Variants in TUFM observed in about 807,000 individuals in gnomAD.
The protein encoded by TUFM is elongation factor Tu, mitochondrial.
TUFM carries 23 observed loss-of-function variants against 45.0 expected under a neutral mutation model. The observed-to-expected ratio is 0.51, with a 90% CI of 0.37 to 0.72. TUFM has a LOEUF of 0.72. Ranked by LOEUF, TUFM falls within the 30% of genes least tolerant of loss-of-function variation. The pLI is 0.00. For missense variants in TUFM, 490 were observed against 610.7 expected (o/e 0.80, Z 2.08); for synonymous variants, 243 against 252.9 (o/e 0.96, Z 0.37).
Position 28,843,053 on chromosome 16 carries a change from G to A in TUFM, c.1290C>T (p.Gly430=), listed in dbSNP as rs1274909671. ...EKGQRFTLRD[G]NRTIGTGLVT... is the part of the protein sequence containing the mutation. ...CTAGACCGGTGCCAATAGTCCGGTT[G>A]CCATCTCGCAGGGTGAAACGCTGGC... Residue 430 remains glycine (G), a synonymous_variant, in exon 10 of 10, where the codon GGC becomes GGT. Coordinates refer to ENST00000313511, the MANE Select transcript of TUFM (RefSeq NM_003321.5). 1 of 1,614,230 alleles carries A rather than the reference G, an allele frequency of 6.2e-7. No individual in the cohort carries two copies. Among genetic ancestry groups the A allele is most frequent in the East Asian group, 2.2e-5 (1 of 44,892 alleles).
At chr16:28,845,136 A>C in intron 3 of TUFM, 81 bp from the exon 4 acceptor site, 5 of 1,578,688 alleles carry the variant, frequency 3.2e-6, no homozygotes, top group Non-Finnish European at 2.6e-6. Context: ...TAGCAGTTAG[A>C]AACTCAGGCC....
In TUFM at chr16:28,842,663, TG is replaced by T; in HGVS notation, c.*311del. On this transcript the variant is annotated 3_prime_UTR_variant, in exon 10 of 10. Transcript: ENST00000313511. The stretch of plus-strand genomic sequence containing the variant: ...GTGTCTAGGCAATCACTAAGCTCAC[TG>T]GACTTGATTTATCCGTTAAAACTGC... 2.4e-6 allele frequency: 1 copy of T among 421,414 alleles called. No homozygotes were observed. The highest frequency in any genetic ancestry group is 4.5e-6 in the Non-Finnish European group (1 of 224,418). The allele number at this position is 421,414 out of a possible 1,614,324, so 26.1% of individuals were successfully genotyped here.
Position 28,844,109 on chromosome 16 carries a change from G to T in TUFM, c.923-8C>A. ...TGTGGAACATCTCAATGCCTAGGAC[G>T]GAAAGGGAAAAGGAGCAGGGAGAAG... is the stretch of plus-strand genomic sequence containing the variant. On this transcript the variant is annotated splice_region_variant and splice_polypyrimidine_tract_variant and intron_variant, in intron 7 of 9. Coordinates refer to ENST00000313511, the MANE Select transcript of TUFM (RefSeq NM_003321.5). The surrounding 1 kb of genome is among the most constrained non-coding windows in gnomAD (Gnocchi z 5.8). 6.2e-7 allele frequency: 1 copy of T among 1,614,196 alleles called. No homozygotes were observed. The highest frequency in any genetic ancestry group is 8.5e-7 in the Non-Finnish European group (1 of 1,180,032).
At chr16:28,843,250 C>T in intron 9 of TUFM, 102 bp from the exon 10 acceptor site, 2 of 1,256,624 alleles carry the variant, frequency 1.6e-6, no homozygotes, top group East Asian at 2.4e-5. Flanking sequence ...GAGAATGCAG[C>T]AGGGGAATGG....
At position 28,844,214 on chromosome 16, in the gene TUFM, G is replaced by T; in HGVS notation, c.922+16C>A. ...CCCTTCAGCCAGGCCCTGCTCTCCA[G>T]ACTGGCTTCCCAAACCTGTCACCAC... is the stretch of plus-strand genomic sequence containing the variant. On this transcript the variant is annotated intron_variant, in intron 7 of 9. Transcript: ENST00000313511. This position sits in a 1 kb window ranked among gnomAD's most constrained non-coding sequence, Gnocchi z 5.8. 6.2e-7 allele frequency: 1 copy of T among 1,614,062 alleles called. No individual in the cohort carries two copies. Among genetic ancestry groups the T allele is most frequent in the South Asian group, 1.1e-5 (1 of 91,068 alleles).
chr16:28,842,873 G>T lies in TUFM; in HGVS notation c.*102C>A. The T allele has an allele frequency of 1.4e-6, 2 of 1,470,090 alleles. No individual in the cohort carries two copies. The highest frequency in any genetic ancestry group is 9.5e-7 in the Non-Finnish European group (1 of 1,053,738). The allele number at this position is 1,470,090 out of a possible 1,614,324, so 91.1% of individuals were successfully genotyped here. A position where few individuals can be genotyped will look rare whatever the true frequency, so the allele number is the denominator to read the frequency against. ...GGAAATGTCCATCTAGCTGCCCTCT[G>T]CTGGGTTGCAGCCTATGCCATGAGA... is the stretch of plus-strand genomic sequence containing the variant. On this transcript the variant is annotated 3_prime_UTR_variant, in exon 10 of 10. Coordinates refer to ENST00000313511, the MANE Select transcript of TUFM (RefSeq NM_003321.5).
chr16:28,845,255 CATTT>C lies in TUFM; in HGVS notation c.414+55_414+58del. On this transcript the variant is annotated intron_variant, in intron 3 of 9. Coordinates refer to ENST00000313511, the MANE Select transcript of TUFM (RefSeq NM_003321.5). ...CTTAATCTCCTCCCCACAAGCCTAACATTTATCCTGACAAGAGGCAGCTTCTGGC... is the reference window on the plus strand; with the variant it reads ...CTTAATCTCCTCCCCACAAGCCTAACATCCTGACAAGAGGCAGCTTCTGGC... 1.9e-6 allele frequency: 3 copies of C among 1,612,784 alleles called. No individual in the cohort carries two copies. The Admixed American group carries it at 5.0e-5, about 27-fold the overall frequency.
intron 9 of TUFM, 22 bp downstream of exon 9, chr16:28,843,714 A>G: frequency 6.2e-7 from 1 of 1,612,098 alleles, no homozygotes; most frequent in Non-Finnish European, 8.5e-7. Context: ...CCTCCACCCT[A>G]CATTCCTCCC....
At position 28,844,675 on chromosome 16, in the gene TUFM, G is replaced by C. The variant is rs772718547; in HGVS notation, c.684+23C>G. 1 of 1,614,144 alleles carries C rather than the reference G, an allele frequency of 6.2e-7. No homozygotes were observed. Among genetic ancestry groups the C allele is most frequent in the South Asian group, 1.1e-5 (1 of 91,090 alleles). Reference sequence around the variant, plus strand: ...TCCAGCCCCACCCTCTGCAGCAGCTGCCCTGCCTGACCCCGCGTTCACCTC... The same window carrying C: ...TCCAGCCCCACCCTCTGCAGCAGCTCCCCTGCCTGACCCCGCGTTCACCTC... On this transcript the variant is annotated intron_variant, in intron 5 of 9. Coordinates refer to ENST00000313511, the MANE Select transcript of TUFM (RefSeq NM_003321.5). This position sits in a 1 kb window ranked among gnomAD's most constrained non-coding sequence, Gnocchi z 5.8.
At position 28,842,995 on chromosome 16, in the gene TUFM, T is replaced by G; in HGVS notation, c.1348A>C (p.Lys450Gln). 3.7e-6 allele frequency: 6 copies of G among 1,614,192 alleles called. No individual in the cohort carries two copies. The highest frequency in any genetic ancestry group is 5.1e-6 in the Non-Finnish European group (6 of 1,180,042). Residue 450 changes from lysine to glutamine, a missense_variant, in exon 10 of 10, where the codon AAG (lysine) becomes CAG (glutamine). Transcript: ENST00000313511. Reference protein sequence around the residue: ...TNTLAMTEEEKNIKWG With the variant: ...TNTLAMTEEEQNIKWG ...CACACTCAACCCCATTTGATATTCT[T>G]CTCCTCCTCAGTCATGGCCAGCGTG...
Position 28,842,782 on chromosome 16 carries a change from C to G in TUFM, c.*193G>C. 1 of 721,736 alleles carries G rather than the reference C, an allele frequency of 1.4e-6. No homozygotes were observed. 44.7% of individuals were successfully genotyped at this position (721,736 alleles called of 1,614,324 possible). A position where few individuals can be genotyped will look rare whatever the true frequency, so the allele number is the denominator to read the frequency against. On this transcript the variant is annotated 3_prime_UTR_variant, in exon 10 of 10. Transcript: ENST00000313511. ...CAATTTGCACAAAGGACACAGGACA[C>G]AGGCTGGCTTACTATTCAAAGTTTA...
At chr16:28,843,237 T>C (rs1267546917) in intron 9 of TUFM, 89 bp from the exon 10 acceptor site, 36 of 1,384,642 alleles carry the variant, frequency 2.6e-5, no homozygotes, top group Non-Finnish European at 3.6e-5. Context: ...TTAAGAGTCA[T>C]GGGAGAATGC....
chr16:28,845,182 C>T (rs1016455393), intron 3 of TUFM, 127 bp from the exon 4 acceptor site: 86 of 1,554,814 alleles, frequency 5.5e-5, no homozygotes, highest in South Asian at 2.5e-4. Context: ...ACCCATTCTG[C>T]GTGGCCAAGA....
chr16:28,844,877 G>C lies in TUFM; in HGVS notation c.520-15C>G, dbSNP rs376592333. 1.2e-5 allele frequency: 20 copies of C among 1,614,026 alleles called. No individual in the cohort carries two copies. The highest frequency in any genetic ancestry group is 2.7e-5 in the African/African-American group (2 of 74,892). On this transcript the variant is annotated splice_polypyrimidine_tract_variant and intron_variant, in intron 4 of 9. Transcript: ENST00000313511. The surrounding 1 kb of genome is among the most constrained non-coding windows in gnomAD (Gnocchi z 5.8). ...TCCACCCCAATCTGTAGATGCCAGA[G>C]AGACAGGGACAATATACAGAGGGGC...
chr16:28,843,164 A>C lies in TUFM; in HGVS notation c.1195-16T>G, dbSNP rs749568845. 32 of 1,613,934 alleles carry C rather than the reference A, an allele frequency of 2.0e-5. 1 individual carries two copies. In the East Asian group the frequency reaches 6.9e-4, roughly 35 times the overall value. On this transcript the variant is annotated splice_polypyrimidine_tract_variant and intron_variant, in intron 9 of 9. Transcript: ENST00000313511. The stretch of plus-strand genomic sequence containing the variant: ...TGGCAAGCTCCTAGAGTAGGAAGAG[A>C]AGGATCATGCGTGGCCTCCAGGGTG...
rs549845598 is a variant in TUFM at position 28,846,342 on chromosome 16, G to A, written c.-73C>T. 100 of 1,507,560 alleles carry A rather than the reference G, an allele frequency of 6.6e-5. 2 individuals are homozygous for A. In the South Asian group the frequency reaches 1.0e-3, roughly 16 times the overall value. 93.4% of individuals were successfully genotyped at this position (1,507,560 alleles called of 1,614,324 possible). A position where few individuals can be genotyped will look rare whatever the true frequency, so the allele number is the denominator to read the frequency against. ...CAGAAGAAGAAGGGCGCCTGCGGCT[G>A]GAAGGCACTTCCGGCGGAAGTTAGA... On this transcript the variant is annotated 5_prime_UTR_variant, in exon 1 of 10. Coordinates refer to ENST00000313511, the MANE Select transcript of TUFM (RefSeq NM_003321.5).
At chr16:28,843,217 A>C in intron 9 of TUFM, 69 bp from the exon 10 acceptor site, 1 of 1,544,474 alleles carries the variant, frequency 6.5e-7, no homozygotes, top group Non-Finnish European at 8.9e-7. Flanking sequence ...TTTTTTGGCT[A>C]CCTCGGAGGT....
chr16:28,842,829 G>A lies in TUFM; in HGVS notation c.*146C>T. On this transcript the variant is annotated 3_prime_UTR_variant, in exon 10 of 10. Coordinates refer to ENST00000313511, the MANE Select transcript of TUFM (RefSeq NM_003321.5). ...TTTACTGACCTCCCCAGCCAGGCAG[G>A]CCAACCCTTCCGAGCAGGGGAAATG... 1 of 1,102,164 alleles carries A rather than the reference G, an allele frequency of 9.1e-7. No homozygotes were observed. Among genetic ancestry groups the A allele is most frequent in the Non-Finnish European group, 1.4e-6 (1 of 728,350 alleles). 68.3% of individuals were successfully genotyped at this position (1,102,164 alleles called of 1,614,324 possible). A position where few individuals can be genotyped will look rare whatever the true frequency, so the allele number is the denominator to read the frequency against.
rs765372589 is a variant in TUFM at position 28,844,393 on chromosome 16, T to C, written c.817+26A>G. ...CGAGCTAGGCTTCTGCTAGAGAGAG[T>C]GCGTGGGAACAGACAGAGTCCTCAC... is the stretch of plus-strand genomic sequence containing the variant. On this transcript the variant is annotated intron_variant, in intron 6 of 9. Transcript: ENST00000313511. This position sits in a 1 kb window ranked among gnomAD's most constrained non-coding sequence, Gnocchi z 5.8. 6.8e-6 allele frequency: 11 copies of C among 1,613,820 alleles called. No homozygotes were observed. Among genetic ancestry groups the C allele is most frequent in the Non-Finnish European group, 5.9e-6 (7 of 1,179,946 alleles).
Sources: gnomAD v4.1 joint callset for allele counts on GRCh38, gnomAD v4.1.1 for gene constraint, Gnocchi (gnomAD v3.1) non-coding constraint, MANE v1.5 for transcripts, NCBI Gene and HGNC (gene_info 2026-07-23, HGNC 2026-07-21) for gene names.